Variants in MAP3K9 observed in about 807,000 individuals in gnomAD.
MAP3K9 encodes mixed lineage kinase 1 (tyr and ser/thr specificity).
In MAP3K9, 46 loss-of-function variants were observed where a neutral mutation model predicts 95.8. That is an observed-to-expected ratio of 0.48 (90% confidence interval 0.38 to 0.61). The LOEUF is 0.61. MAP3K9 is among the 20% of genes least tolerant of loss of function. The probability of loss-of-function intolerance (pLI) is 0.00; values close to 1 mark genes in which losing one functional copy is unlikely to be tolerated. For synonymous variants in MAP3K9, 533 were observed against 593.8 expected (o/e 0.90, Z 1.49); for missense variants, 1,296 against 1,474.3 (o/e 0.88, Z 1.98).
At position 70,730,821 on chromosome 14, in the gene MAP3K9, G is replaced by A. The variant is rs1043202745; in HGVS notation, c.2874C>T (p.Phe958=). 6 of 1,611,394 alleles carry A rather than the reference G, an allele frequency of 3.7e-6. No individual in the cohort carries two copies. The African/African-American group carries it at 8.0e-5, about 22-fold the overall frequency. Residue 958 remains phenylalanine, a synonymous_variant, in exon 12 of 12, where the codon TTC becomes TTT. Coordinates refer to ENST00000554752, the MANE Select transcript of MAP3K9 (RefSeq NM_001284230.2). ...TPSPSRDPGE[F]PRLPDPNVVF... Reference sequence around the variant, plus strand: ...CCACATTGGGGTCAGGGAGACGGGGGAATTCACCTGGGTCTCGGCTGGGAC... The same window carrying A: ...CCACATTGGGGTCAGGGAGACGGGGAAATTCACCTGGGTCTCGGCTGGGAC...
Position 70,730,231 on chromosome 14 carries a change from T to C in MAP3K9, c.*149A>G, listed in dbSNP as rs888032304. 6 of 1,218,278 alleles carry C rather than the reference T, an allele frequency of 4.9e-6. No individual in the cohort carries two copies. In the African/African-American group the frequency reaches 9.1e-5, roughly 19 times the overall value. The allele number at this position is 1,218,278 out of a possible 1,614,324, so 75.5% of individuals were successfully genotyped here. On this transcript the variant is annotated 3_prime_UTR_variant, in exon 12 of 12. Transcript: ENST00000554752. ...GGCAGGAGACCCTCTGAAGTGGCCCTGTTTCCATCCCTTCCATCTTCAAAG... is the reference window on the plus strand; with the variant it reads ...GGCAGGAGACCCTCTGAAGTGGCCCCGTTTCCATCCCTTCCATCTTCAAAG...
chr14:70,808,428 A>C (rs2055016356), intron 1 of MAP3K9, among the ~76,000 whole-genome samples: 1 of 44,724 alleles, frequency 2.2e-5, no homozygotes, highest in African/African-American at 8.3e-5. Context: ...CAGATTGGGA[A>C]TGGGGGGCGG....
At chr14:70,806,116 T>C (rs192291023) in intron 1 of MAP3K9, among the ~76,000 whole-genome samples, 1 of 152,304 alleles carries the variant, frequency 6.6e-6, no homozygotes, top group East Asian at 1.9e-4. Flanking sequence ...GGCGATGAAG[T>C]GTCAGTGGCT....
intron 1 of MAP3K9, among the ~76,000 whole-genome samples, chr14:70,801,853 G>A (rs1393521230): frequency 6.6e-6 from 1 of 152,138 alleles, no homozygotes; most frequent in Non-Finnish European, 1.5e-5. Context: ...CAGACGGAAG[G>A]ACAGGAGCCA....
chr14:70,791,750 C>T (rs2054809699), intron 2 of MAP3K9, among the ~76,000 whole-genome samples: 1 of 152,248 alleles, frequency 6.6e-6, no homozygotes, highest in Non-Finnish European at 1.5e-5. Context: ...ATCAGCCATG[C>T]TCATGGTACT....
intron 2 of MAP3K9, among the ~76,000 whole-genome samples, chr14:70,794,810 T>C (rs1028011169): frequency 4.3e-4 from 66 of 151,846 alleles, no homozygotes; most frequent in African/African-American, 1.5e-3. Context: ...CCCAAGTAGC[T>C]TGAACTACAG....
intron 3 of MAP3K9, among the ~76,000 whole-genome samples, chr14:70,755,160 G>A (rs1245747096): frequency 6.6e-6 from 1 of 152,232 alleles, no homozygotes; most frequent in Non-Finnish European, 1.5e-5. Flanking sequence ...GACTCAGCCA[G>A]TACCTGGCAT....
intron 7 of MAP3K9, 199 bp downstream of exon 7, chr14:70,739,843 G>A (rs2054042774): frequency 6.7e-7 from 1 of 1,494,418 alleles, no homozygotes; most frequent in Non-Finnish European, 9.0e-7. Context: ...AGGTAGAGGG[G>A]GCAGTAGTAA....
intron 11 of MAP3K9, 152 bp from the exon 12 acceptor site, chr14:70,731,016 G>A (rs1478606105): frequency 2.5e-6 from 2 of 794,228 alleles, no homozygotes; most frequent in African/African-American, 1.7e-5. Flanking sequence ...GGAGGCACTG[G>A]GGATACAGTA....
In MAP3K9 at chr14:70,739,898, A is replaced by G. The variant is rs777859426; in HGVS notation, c.1690+144T>C. 13 of 1,608,374 alleles carry G rather than the reference A, an allele frequency of 8.1e-6. No individual in the cohort carries two copies. The Admixed American group carries it at 1.9e-4, about 23-fold the overall frequency. ...GGGAGAGGGCTAAGGGTTTGCGTAC[A>G]TATGTGCATGTATATACACATTGTC... On this transcript the variant is annotated intron_variant, in intron 7 of 11. Coordinates refer to ENST00000554752, the MANE Select transcript of MAP3K9 (RefSeq NM_001284230.2).
intron 2 of MAP3K9, among the ~76,000 whole-genome samples, chr14:70,799,118 C>T (rs1200713232): frequency 6.6e-6 from 1 of 152,078 alleles, no homozygotes; most frequent in Admixed American, 6.5e-5. Flanking sequence ...AGGTTAACTT[C>T]CTCTTCTTTT....
intron 2 of MAP3K9, among the ~76,000 whole-genome samples, chr14:70,786,032 C>T (rs959509368): frequency 1.4e-4 from 21 of 152,068 alleles, no homozygotes; most frequent in Non-Finnish European, 5.9e-5. Context: ...TTACTGTCAC[C>T]ATGAATAATA....
intron 2 of MAP3K9, among the ~76,000 whole-genome samples, chr14:70,776,564 T>C (rs1420977710): frequency 6.6e-6 from 1 of 152,118 alleles, no homozygotes; most frequent in Non-Finnish European, 1.5e-5. Context: ...ACTTAAATGT[T>C]CACAAGTGTG....
In MAP3K9 at chr14:70,800,908, C is replaced by CTTGG; in HGVS notation, c.575_578dup (p.Lys193AsnfsTer39). On this transcript the variant is annotated frameshift_variant, in exon 2 of 12. Coordinates refer to ENST00000554752, the MANE Select transcript of MAP3K9 (RefSeq NM_001284230.2). LOFTEE classifies it high-confidence loss of function. The stretch of plus-strand genomic sequence containing the variant: ...TGGGGTGCTTCAGCATGGCGAAGAG[C>CTTGG]TTGGCCTCTTGGCGAACATTCTCTA... 6.2e-7 allele frequency: 1 copy of CTTGG among 1,614,200 alleles called. No individual in the cohort carries two copies. The highest frequency in any genetic ancestry group is 1.1e-5 in the South Asian group (1 of 91,084).
At chr14:70,804,525 G>C (rs1357140233) in intron 1 of MAP3K9, among the ~76,000 whole-genome samples, 45 of 152,136 alleles carry the variant, frequency 3.0e-4, no homozygotes, top group Admixed American at 2.8e-3. Flanking sequence ...TAACAAATTT[G>C]TATCTGTTTT....
chr14:70,800,565 T>C, intron 2 of MAP3K9, 102 bp downstream of exon 2: 1 of 1,207,414 alleles, frequency 8.3e-7, no homozygotes, highest in Non-Finnish European at 1.2e-6. Flanking sequence ...GCAAGGAGTT[T>C]CACTGCCCTC....
chr14:70,801,945 G>A (rs2054934999), intron 1 of MAP3K9, among the ~76,000 whole-genome samples: 1 of 152,206 alleles, frequency 6.6e-6, no homozygotes, highest in African/African-American at 2.4e-5. Flanking sequence ...CAGGATTGGA[G>A]ACGAGGCTCA....
At chr14:70,797,679 A>G (rs1412039625) in intron 2 of MAP3K9, among the ~76,000 whole-genome samples, 2 of 152,110 alleles carry the variant, frequency 1.3e-5, no homozygotes, top group African/African-American at 4.8e-5. Context: ...CGGCGGTTGC[A>G]AAGATCACAC....
chr14:70,759,718 T>C (rs552120140), intron 3 of MAP3K9, among the ~76,000 whole-genome samples: 14 of 152,266 alleles, frequency 9.2e-5, no homozygotes, highest in African/African-American at 3.1e-4. Flanking sequence ...TGGTGACCCA[T>C]ACACACCTTT....
Sources: allele counts gnomAD v4.1 joint callset (sites outside exome capture counted in the v4.1 genomes callset), GRCh38; gene constraint gnomAD v4.1.1; transcripts MANE v1.5; gene names NCBI Gene and HGNC (gene_info 2026-07-23, HGNC 2026-07-21).